Variants in NSD1 observed in about 807,000 individuals in gnomAD.
The protein encoded by NSD1 is histone-lysine N-methyltransferase, H3 lysine-36 specific.
A neutral mutation model predicts 242.7 loss-of-function variants in NSD1; 26 were observed. That is an observed-to-expected ratio of 0.11 (90% CI 0.08 to 0.15). The LOEUF is 0.15. NSD1 is among the 10% of genes least tolerant of loss of function. The pLI is 1.00. For missense variants in NSD1, 2,495 were observed against 3,272.8 expected (o/e 0.76, Z 5.80); for synonymous variants, 1,106 against 1,178.1 (o/e 0.94, Z 1.25).
chr5:177,200,083 T>C (rs1291629822), intron 3 of NSD1, among the ~76,000 whole-genome samples: 1 of 152,046 alleles, frequency 6.6e-6, no homozygotes, highest in African/African-American at 2.4e-5. Context: ...AGACAAAACA[T>C]AAATTTAATG....
chr5:177,167,198 A>G (rs556871292), intron 2 of NSD1, among the ~76,000 whole-genome samples: 2 of 152,162 alleles, frequency 1.3e-5, no homozygotes, highest in Non-Finnish European at 2.9e-5. Flanking sequence ...TTCCTTTGAA[A>G]TGCTATTCTT....
intron 12 of NSD1, among the ~76,000 whole-genome samples, chr5:177,255,073 G>A (rs1756322364): frequency 6.6e-6 from 1 of 152,144 alleles, no homozygotes; most frequent in Admixed American, 6.5e-5. Flanking sequence ...GGGAGGCTAA[G>A]GTGGGCGGAT....
chr5:177,254,757 T>G (rs530725731), intron 12 of NSD1, among the ~76,000 whole-genome samples: 8 of 148,648 alleles, frequency 5.4e-5, no homozygotes, highest in African/African-American at 1.8e-4. Context: ...AATTTTTTAG[T>G]TTCACATTTC....
chr5:177,132,388 G>T (rs1164329615), upstream of NSD1, among the ~76,000 whole-genome samples: 1 of 151,248 alleles, frequency 6.6e-6, no homozygotes, highest in Admixed American at 6.6e-5. This position sits in a 1 kb window ranked among gnomAD's most constrained non-coding sequence, Gnocchi z 7.5. Context: ...CGGCGCGCAC[G>T]CACATACCCA....
At chr5:177,239,733 A>T in intron 7 of NSD1, 23 bp from the exon 8 acceptor site, 1 of 1,370,170 alleles carries the variant, frequency 7.3e-7, no homozygotes, top group African/African-American at 1.4e-5. Context: ...AAATCATCTA[A>T]TGTAAAGATA....
At chr5:177,143,025 G>A (rs1460075932) in intron 2 of NSD1, among the ~76,000 whole-genome samples, 2 of 152,098 alleles carry the variant, frequency 1.3e-5, no homozygotes, top group Admixed American at 6.6e-5. Context: ...TCTTAACAGT[G>A]TATAGCATGG....
chr5:177,198,926 G>A (rs533925692), intron 3 of NSD1, among the ~76,000 whole-genome samples: 3 of 152,250 alleles, frequency 2.0e-5, no homozygotes, highest in South Asian at 4.1e-4. Flanking sequence ...ACACCCATAC[G>A]TGTTTGCCTT....
At chr5:177,256,272 A>G (rs948243207) in intron 12 of NSD1, among the ~76,000 whole-genome samples, 40 of 103,874 alleles carry the variant, frequency 3.9e-4, no homozygotes, top group Non-Finnish European at 2.0e-5. Context: ...TACTGCCCCC[A>G]CACTTTTTTT....
intron 11 of NSD1, among the ~76,000 whole-genome samples, chr5:177,251,409 G>A (rs1406813685): frequency 1.3e-5 from 2 of 152,170 alleles, no homozygotes; most frequent in African/African-American, 4.8e-5. Flanking sequence ...GCTAGCCAGT[G>A]TCTGTTGCTT....
chr5:177,253,411 T>C (rs1756166558), intron 12 of NSD1, among the ~76,000 whole-genome samples: 1 of 152,156 alleles, frequency 6.6e-6, no homozygotes, highest in Non-Finnish European at 1.5e-5. Context: ...CACTCAGCAT[T>C]ATTATTTTGA....
chr5:177,217,448 G>T (rs1763863285), intron 5 of NSD1, among the ~76,000 whole-genome samples: 1 of 152,032 alleles, frequency 6.6e-6, no homozygotes, highest in Admixed American at 6.6e-5. Flanking sequence ...TTGGCTCCTT[G>T]CTTCCCTATT....
chr5:177,149,660 A>T (rs1167843188), intron 2 of NSD1, among the ~76,000 whole-genome samples: 1 of 152,124 alleles, frequency 6.6e-6, no homozygotes, highest in Non-Finnish European at 1.5e-5. Flanking sequence ...ATTATCACGC[A>T]TTAGTTAGAA....
intron 2 of NSD1, among the ~76,000 whole-genome samples, chr5:177,177,547 GCAA>G (rs1562159822): frequency 6.6e-6 from 1 of 151,814 alleles, no homozygotes; most frequent in South Asian, 2.1e-4. Context: ...CAAAAAAACA[GCAA>G]CAACAACAAG....
chr5:177,273,589 A>C, intron 16 of NSD1, 83 bp from the exon 17 acceptor site: 1 of 1,093,024 alleles, frequency 9.1e-7, no homozygotes, highest in Admixed American at 1.7e-5. Context: ...TCCAACTTAA[A>C]GGGGAAAAAG....
Position 177,212,091 on chromosome 5 carries a change from G to A in NSD1, c.3692G>A (p.Gly1231Glu), listed in dbSNP as rs141065357. The A allele has an allele frequency of 2.6e-5, 42 of 1,614,068 alleles. No individual in the cohort carries two copies. The African/African-American group carries it at 5.3e-4, about 20-fold the overall frequency. Reference protein sequence around the residue: ...QNHADCLDSAGPRLNVCDKSS... With the variant: ...QNHADCLDSAEPRLNVCDKSS... ...CATGCTGACTGCTTAGATTCAGCTG[G>A]GCCACGGTTAAATGTTTGTGATAAA... is the stretch of plus-strand genomic sequence containing the variant. Residue 1231 changes from glycine to glutamate, a missense_variant, in exon 5 of 23, where the codon GGG (glycine) becomes GAG (glutamate). Physicochemically the swap from Gly to Glu is moderately conservative, Grantham distance 98 (BLOSUM62 -2). Coordinates refer to ENST00000439151, the MANE Select transcript of NSD1 (RefSeq NM_022455.5).
intron 2 of NSD1, among the ~76,000 whole-genome samples, chr5:177,185,972 T>A (rs1761158018): frequency 1.0e-5 from 1 of 97,566 alleles, no homozygotes; most frequent in Non-Finnish European, 1.9e-5. Context: ...TATATAACTA[T>A]ATTATATATT....
At chr5:177,174,717 C>G (rs916399790) in intron 2 of NSD1, among the ~76,000 whole-genome samples, 1 of 150,476 alleles carries the variant, frequency 6.6e-6, no homozygotes, top group African/African-American at 2.4e-5. Flanking sequence ...CACTACAACG[C>G]CCGGCTAATT....
In NSD1 at chr5:177,296,336, C is replaced by G. The variant is rs1760256485; in HGVS notation, c.*877C>G. ...GCAGTGGAAGAAGGCATTTGGCAAG[C>G]TTCTCTTTCTTTGCTTTTGTTTCTA... On this transcript the variant is annotated 3_prime_UTR_variant, in exon 23 of 23. Transcript: ENST00000439151. 1 of 233,370 alleles carries G rather than the reference C, an allele frequency of 4.3e-6. No individual in the cohort carries two copies. The highest frequency in any genetic ancestry group is 2.2e-5 in the African/African-American group (1 of 45,348). 14.5% of individuals were successfully genotyped at this position (233,370 alleles called of 1,614,324 possible). A position where few individuals can be genotyped will look rare whatever the true frequency, so the allele number is the denominator to read the frequency against.
Position 177,238,234 on chromosome 5 carries a change from T to C in NSD1, c.3922-3T>C, listed in dbSNP as rs973743571. On this transcript the variant is annotated splice_region_variant and splice_polypyrimidine_tract_variant and intron_variant, in intron 6 of 22. Transcript: ENST00000439151. This position sits in a 1 kb window ranked among gnomAD's most constrained non-coding sequence, Gnocchi z 4.6. ...GGACTCTATTTTTATTTTTTGTTCT[T>C]AGGTAAGTTCCCGCTGTGAAGAGGA... 1 of 1,614,182 alleles carries C rather than the reference T, an allele frequency of 6.2e-7. No homozygotes were observed. Among genetic ancestry groups the C allele is most frequent in the South Asian group, 1.1e-5 (1 of 91,084 alleles).
Sources: gnomAD v4.1 joint callset for allele counts (sites outside exome capture counted in the v4.1 genomes callset) on GRCh38, gnomAD v4.1.1 for gene constraint, Gnocchi (gnomAD v3.1) non-coding constraint, MANE v1.5 for transcripts, NCBI Gene and HGNC (gene_info 2026-07-23, HGNC 2026-07-21) for gene names.